Variants in AIG1 observed in about 807,000 individuals in gnomAD.
AIG1 encodes the protein androgen-induced gene 1 protein.
AIG1 carries 23 observed loss-of-function variants against 31.4 expected under a neutral mutation model. The observed-to-expected ratio is 0.73, with a 90% confidence interval of 0.53 to 1.04. The LOEUF is 1.04. Among genes scored for constraint, AIG1 ranks in the 50% least tolerant of loss-of-function variants. The probability of loss-of-function intolerance (pLI) is 0.00; values close to 1 mark genes in which losing one functional copy is unlikely to be tolerated. For missense variants in AIG1, 274 were observed against 295.0 expected (o/e 0.93, Z 0.52); for synonymous variants, 100 against 110.5 (o/e 0.90, Z 0.60).
At chr6:143,103,695 G>T (rs948674096) in intron 1 of AIG1, among the ~76,000 whole-genome samples, 4 of 151,572 alleles carry the variant, frequency 2.6e-5, no homozygotes, top group African/African-American at 9.7e-5. Flanking sequence ...TTTTAGTAGA[G>T]ACGGGGTTTC....
At position 143,189,369 on chromosome 6, in the gene AIG1, A is replaced by AC. The variant is rs1453512114; in HGVS notation, c.399+24188dup. On this transcript the variant is annotated intron_variant, in intron 3 of 5. Transcript: ENST00000357847. ...AGTCCTAGGATTACATGCATGAGCT[A>AC]CCACACCCAGCCCCTGCTCACATTT... 1.4e-5 allele frequency: 14 copies of AC among 973,896 alleles called. No individual in the cohort carries two copies. In the East Asian group the frequency reaches 1.6e-3, roughly 111 times the overall value. The allele number at this position is 973,896 out of a possible 1,614,324, so 60.3% of individuals were successfully genotyped here. A position where few individuals can be genotyped will look rare whatever the true frequency, so the allele number is the denominator to read the frequency against.
chr6:143,203,881 G>A (rs1790900688), intron 3 of AIG1, among the ~76,000 whole-genome samples: 1 of 152,158 alleles, frequency 6.6e-6, no homozygotes, highest in African/African-American at 2.4e-5. Context: ...TTAGAATGGA[G>A]GTTGTGAAAA....
intron 3 of AIG1, among the ~76,000 whole-genome samples, chr6:143,276,727 G>A (rs1021074276): frequency 2.6e-5 from 4 of 152,050 alleles, no homozygotes; most frequent in Non-Finnish European, 4.4e-5. Flanking sequence ...TACTAGGAAG[G>A]GAGGGAGGGA....
intron 1 of AIG1, among the ~76,000 whole-genome samples, chr6:143,064,207 C>T (rs1776495513): frequency 1.3e-5 from 2 of 152,042 alleles, no homozygotes; most frequent in South Asian, 4.2e-4. Flanking sequence ...ATCAATTGAC[C>T]TTAAAATAGG....
chr6:143,316,521 A>T (rs145086356), intron 4 of AIG1, among the ~76,000 whole-genome samples: 1,818 of 152,232 alleles, frequency 0.012, 26 homozygotes, highest in Non-Finnish European at 0.019. Flanking sequence ...AGGAAAGTTC[A>T]TAGTATTAAA....
chr6:143,285,831 A>G (rs1447653881), intron 4 of AIG1, among the ~76,000 whole-genome samples: 2 of 152,038 alleles, frequency 1.3e-5, no homozygotes, highest in Admixed American at 1.3e-4. Flanking sequence ...CACACCTGCA[A>G]TATGACTAAA....
chr6:143,343,725 T>C (rs909913823), downstream of AIG1, among the ~76,000 whole-genome samples: 6 of 152,230 alleles, frequency 3.9e-5, no homozygotes, highest in African/African-American at 1.4e-4. Flanking sequence ...GTTATAAATA[T>C]TTTTAATTTA....
chr6:143,339,541 G>A, intron 5 of AIG1, 98 bp from the exon 6 acceptor site: 3 of 1,244,286 alleles, frequency 2.4e-6, no homozygotes, highest in Middle Eastern at 1.9e-4. Context: ...AGTGAGGGCA[G>A]ATGAGTGGAT....
At position 143,242,540 on chromosome 6, in the gene AIG1, T is replaced by C. The variant is rs570705160; in HGVS notation, c.400-41570T>C. Among the ~76,000 whole-genome samples the C allele has an allele frequency of 9.0e-4, 137 of 152,340 alleles. 2 individuals are homozygous for C. The highest frequency in any genetic ancestry group is 8.2e-4 in the Non-Finnish European group (56 of 68,036). On this transcript the variant is annotated intron_variant, in intron 3 of 5. Transcript: ENST00000357847. ...ATGACCATAATCTCACAGCTAGTTATTGGCAGAGCCAGTATCGACATCCAT... is the reference window on the plus strand; with the variant it reads ...ATGACCATAATCTCACAGCTAGTTACTGGCAGAGCCAGTATCGACATCCAT...
chr6:143,086,989 A>G (rs1778850543), intron 1 of AIG1, among the ~76,000 whole-genome samples: 1 of 152,108 alleles, frequency 6.6e-6, no homozygotes, highest in African/African-American at 2.4e-5. Flanking sequence ...AGGCAGACCA[A>G]CGCTCCCAAC....
chr6:143,134,128 C>T (rs1783512779), intron 1 of AIG1, among the ~76,000 whole-genome samples: 1 of 151,962 alleles, frequency 6.6e-6, no homozygotes. Context: ...AAATATTTTA[C>T]ACCAGTGAAA....
chr6:143,342,303 C>T, downstream of AIG1: 3 of 684,066 alleles, frequency 4.4e-6, no homozygotes, highest in South Asian at 4.5e-5. Flanking sequence ...GTGGGCTCCC[C>T]TGGTGCGCAG....
chr6:143,278,777 G>A (rs1394766419), intron 3 of AIG1, among the ~76,000 whole-genome samples: 1 of 152,162 alleles, frequency 6.6e-6, no homozygotes, highest in Non-Finnish European at 1.5e-5. Flanking sequence ...CTTCATGCCA[G>A]TATATCTTTA....
chr6:143,094,680 G>T (rs369165774), intron 1 of AIG1, among the ~76,000 whole-genome samples: 3 of 151,496 alleles, frequency 2.0e-5, no homozygotes, highest in Non-Finnish European at 4.4e-5. Flanking sequence ...ATAAGTCTCC[G>T]TATCCTATCT....
chr6:143,130,187 C>T (rs1292039883), intron 1 of AIG1, among the ~76,000 whole-genome samples: 3 of 151,862 alleles, frequency 2.0e-5, no homozygotes, highest in Admixed American at 6.6e-5. Context: ...TCTCAGTCTC[C>T]CAAAGTGCTG....
intron 1 of AIG1, among the ~76,000 whole-genome samples, chr6:143,130,124 G>T (rs996035861): frequency 1.3e-5 from 2 of 151,508 alleles, no homozygotes; most frequent in Admixed American, 6.6e-5. Context: ...AGAGATGGGG[G>T]TTCACCATGT....
chr6:143,302,412 C>G (rs1583797933), intron 4 of AIG1, among the ~76,000 whole-genome samples: 1 of 151,342 alleles, frequency 6.6e-6, no homozygotes, highest in South Asian at 2.1e-4. Context: ...GTGTGACATT[C>G]CCCTTCCTGT....
At chr6:143,155,042 A>G (rs1163335249) in intron 2 of AIG1, among the ~76,000 whole-genome samples, 1 of 143,222 alleles carries the variant, frequency 7.0e-6, no homozygotes, top group African/African-American at 2.6e-5. Flanking sequence ...TATTTTTAGT[A>G]GTGATGTGGT....
intron 3 of AIG1, among the ~76,000 whole-genome samples, chr6:143,255,864 C>A (rs2128652500): frequency 6.6e-6 from 1 of 152,026 alleles, no homozygotes; most frequent in Non-Finnish European, 1.5e-5. Context: ...ATCCTATAAC[C>A]CTGTTGCTCT....
Sources: allele counts gnomAD v4.1 joint callset (sites outside exome capture counted in the v4.1 genomes callset), GRCh38; gene constraint gnomAD v4.1.1; transcripts MANE v1.5; gene names NCBI Gene and HGNC (gene_info 2026-07-23, HGNC 2026-07-21).